The following NKAIN3 variants were observed in gnomAD, a reference collection of about 807,000 sequenced individuals.
NKAIN3 encodes the protein sodium/potassium transporting ATPase interacting 3, also known as sodium/potassium-transporting ATPase subunit beta-1-interacting protein 3.
NKAIN3 carries 25 observed loss-of-function variants against 30.2 expected under a neutral mutation model. The observed-to-expected ratio is 0.83, with a 90% CI of 0.60 to 1.16. NKAIN3 has a LOEUF of 1.16. Ranked by LOEUF, NKAIN3 falls within the 50% of genes most tolerant of loss-of-function variation. The probability of loss-of-function intolerance (pLI) is 0.00; values close to 1 mark genes in which losing one functional copy is unlikely to be tolerated. For synonymous variants in NKAIN3, 91 were observed against 89.6 expected (o/e 1.02, Z -0.09); for missense variants, 225 against 254.1 (o/e 0.89, Z 0.78).
At chr8:62,363,767 C>G (rs534284761) in intron 1 of NKAIN3, among the ~76,000 whole-genome samples, 1 of 152,068 alleles carries the variant, frequency 6.6e-6, no homozygotes, top group Non-Finnish European at 1.5e-5. Flanking sequence ...AATAAGCTAC[C>G]CCTTGAGCAA....
intron 1 of NKAIN3, among the ~76,000 whole-genome samples, chr8:62,461,792 A>G (rs554380542): frequency 6.6e-6 from 1 of 152,318 alleles, no homozygotes; most frequent in African/African-American, 2.4e-5. Context: ...AAAAAGTACG[A>G]AGAAAACTGA....
rs1206303342 is a variant in NKAIN3 at position 62,729,868 on chromosome 8, T to C, written c.274-17064T>C. ...CTACTGCTATGAACACTATTACATG[T>C]GTACACAGGTGGATGTGTGACAAAG... On this transcript the variant is annotated intron_variant, in intron 3 of 6. Coordinates refer to ENST00000623646, the MANE Select transcript of NKAIN3 (RefSeq NM_001304533.3). Among the ~76,000 whole-genome samples the C allele has an allele frequency of 2.6e-5, 4 of 152,216 alleles. No homozygotes were observed. The East Asian group carries it at 5.8e-4, about 22-fold the overall frequency.
chr8:62,855,148 T>G (rs567477365), intron 4 of NKAIN3: 10 of 235,722 alleles, frequency 4.2e-5, no homozygotes, highest in Non-Finnish European at 7.6e-5. Flanking sequence ...GACTACACCT[T>G]CACCGTGGCA....
At chr8:62,390,082 G>C (rs1385120368) in intron 1 of NKAIN3, among the ~76,000 whole-genome samples, 1 of 151,894 alleles carries the variant, frequency 6.6e-6, no homozygotes, top group Non-Finnish European at 1.5e-5. Context: ...TGTTATATTG[G>C]TAACTTGAGA....
chr8:62,279,989 G>A (rs533844276), intron 1 of NKAIN3, among the ~76,000 whole-genome samples: 94 of 152,148 alleles, frequency 6.2e-4, no homozygotes, highest in African/African-American at 2.0e-3. Context: ...CACGATATTT[G>A]TTCTTCCTAT....
chr8:62,519,480 A>T (rs1403242792), intron 1 of NKAIN3, among the ~76,000 whole-genome samples: 1 of 152,172 alleles, frequency 6.6e-6, no homozygotes. Context: ...GAATGCCTAC[A>T]ATCACAGGGA....
intron 1 of NKAIN3, among the ~76,000 whole-genome samples, chr8:62,536,872 A>G (rs1449952815): frequency 1.3e-5 from 2 of 152,054 alleles, no homozygotes; most frequent in South Asian, 2.1e-4. Flanking sequence ...CCAGCAATCT[A>G]CGAGGCCCTC....
chr8:62,275,154 C>A (rs1585621935), intron 1 of NKAIN3, among the ~76,000 whole-genome samples: 1 of 152,024 alleles, frequency 6.6e-6, no homozygotes, highest in South Asian at 2.1e-4. Flanking sequence ...AGTTCTAGAT[C>A]CCTGAGGAAT....
intron 1 of NKAIN3, among the ~76,000 whole-genome samples, chr8:62,294,517 G>T (rs550845635): frequency 5.9e-5 from 9 of 152,208 alleles, no homozygotes; most frequent in African/African-American, 2.2e-4. Flanking sequence ...GCTCCATAGA[G>T]ATTTGCTAAC....
At chr8:62,454,436 G>A (rs1397766073) in intron 1 of NKAIN3, among the ~76,000 whole-genome samples, 2 of 151,932 alleles carry the variant, frequency 1.3e-5, no homozygotes, top group Non-Finnish European at 2.9e-5. Context: ...GGACAAGCTT[G>A]TATTATACTG....
chr8:62,882,971 A>T (rs1262233176), intron 4 of NKAIN3, among the ~76,000 whole-genome samples: 1 of 152,158 alleles, frequency 6.6e-6, no homozygotes, highest in Non-Finnish European at 1.5e-5. Context: ...CTAAAGCTTT[A>T]TACTAAGTCT....
At chr8:62,893,622 C>T (rs891158199) in intron 4 of NKAIN3, among the ~76,000 whole-genome samples, 1 of 150,276 alleles carries the variant, frequency 6.7e-6, no homozygotes, top group African/African-American at 2.5e-5. Context: ...ATGTTTACTG[C>T]AGGGTTTGAG....
intron 1 of NKAIN3, among the ~76,000 whole-genome samples, chr8:62,517,690 C>T (rs1363627135): frequency 1.3e-5 from 2 of 152,234 alleles, no homozygotes; most frequent in South Asian, 2.1e-4. Context: ...AAAAGCAAAT[C>T]TGCTCACCCA....
chr8:62,557,975 C>A (rs546522288), intron 1 of NKAIN3, among the ~76,000 whole-genome samples: 16 of 152,168 alleles, frequency 1.1e-4, no homozygotes, highest in African/African-American at 3.6e-4. Flanking sequence ...GTCGTGAAAT[C>A]CTTGCCTAAG....
At chr8:62,938,387 C>G (rs542489859) in intron 5 of NKAIN3, among the ~76,000 whole-genome samples, 3 of 152,122 alleles carry the variant, frequency 2.0e-5, no homozygotes, top group Non-Finnish European at 4.4e-5. Flanking sequence ...TCCTGGCTAA[C>G]CAGAGGTCCT....
At chr8:62,989,162 A>C (rs1036959716), downstream of NKAIN3, among the ~76,000 whole-genome samples, 1 of 152,166 alleles carries the variant, frequency 6.6e-6, no homozygotes, top group Non-Finnish European at 1.5e-5. Flanking sequence ...ACTTTCTCAC[A>C]TCTTCCTTTC....
chr8:62,947,103 T>A (rs1396824975), intron 5 of NKAIN3, among the ~76,000 whole-genome samples: 2 of 152,212 alleles, frequency 1.3e-5, no homozygotes, highest in Non-Finnish European at 2.9e-5. Flanking sequence ...GTGAACCCCA[T>A]GAAATAAAGT....
intron 1 of NKAIN3, among the ~76,000 whole-genome samples, chr8:62,291,550 G>A (rs142221326): frequency 4.0e-3 from 615 of 152,324 alleles, no homozygotes; most frequent in African/African-American, 0.014. Context: ...TAGATGTTTT[G>A]AGTGAATTTC....
intron 4 of NKAIN3, among the ~76,000 whole-genome samples, chr8:62,901,586 T>G (rs531961485): frequency 4.6e-5 from 7 of 152,274 alleles, no homozygotes; most frequent in African/African-American, 1.4e-4. Context: ...TTAGGTGTCA[T>G]GCACTCCATC....
Sources: allele counts gnomAD v4.1 joint callset (sites outside exome capture counted in the v4.1 genomes callset), GRCh38; gene constraint gnomAD v4.1.1; transcripts MANE v1.5; gene names NCBI Gene and HGNC (gene_info 2026-07-23, HGNC 2026-07-21).